FYN: variants seen among roughly 807,000 people sequenced by gnomAD.
FYN encodes tyrosine-protein kinase Fyn.
In FYN, 10 loss-of-function variants were observed where a neutral mutation model predicts 70.2. The ratio of observed to expected loss-of-function variants is 0.14; its 90% confidence interval spans 0.09 to 0.24. The LOEUF (loss-of-function observed/expected upper bound fraction) is 0.24, where lower values mean the gene tolerates loss of function less well. FYN is among the 10% of genes least tolerant of loss of function. The pLI is 1.00. For missense variants in FYN, 319 were observed against 673.1 expected, an observed-to-expected ratio of 0.47 and a Z score of 5.82; for synonymous variants, 236 against 248.6, an observed-to-expected ratio of 0.95 and a Z score of 0.48.
intron 2 of FYN, among the ~76,000 whole-genome samples, chr6:111,833,730 C>T (rs544655273): frequency 3.4e-4 from 51 of 152,196 alleles, no homozygotes; most frequent in African/African-American, 1.1e-3. Flanking sequence ...TTTTTTCGTG[C>T]GAATGTCAAG....
chr6:111,829,130 T>C (rs894087141), intron 2 of FYN, among the ~76,000 whole-genome samples: 1 of 152,200 alleles, frequency 6.6e-6, no homozygotes, highest in East Asian at 1.9e-4. Flanking sequence ...TTAGAAAACA[T>C]GAAATCCTAT....
At chr6:111,823,092 C>T (rs1289451055) in intron 2 of FYN, among the ~76,000 whole-genome samples, 3 of 152,314 alleles carry the variant, frequency 2.0e-5, no homozygotes, top group Non-Finnish European at 2.9e-5. Context: ...GTGTCTTTCA[C>T]GTTACCAGAT....
chr6:111,720,411 T>C (rs1234559834), intron 3 of FYN, among the ~76,000 whole-genome samples: 1 of 152,032 alleles, frequency 6.6e-6, no homozygotes, highest in Admixed American at 6.6e-5. Context: ...CCTTTAGCCA[T>C]CTAAAAAAAA....
chr6:111,764,627 G>A (rs367648328), intron 3 of FYN, among the ~76,000 whole-genome samples: 2 of 152,166 alleles, frequency 1.3e-5, no homozygotes, highest in East Asian at 1.9e-4. Context: ...TAACCAAACA[G>A]CCTCCCTCTG....
intron 13 of FYN, among the ~76,000 whole-genome samples, chr6:111,668,626 C>G (rs978653566): frequency 2.0e-5 from 3 of 152,136 alleles, no homozygotes; most frequent in Non-Finnish European, 2.9e-5. Flanking sequence ...GAAAGTCCCT[C>G]TTTGGCCACC....
At chr6:111,695,339 G>C (rs1415004283) in intron 10 of FYN, among the ~76,000 whole-genome samples, 2 of 152,294 alleles carry the variant, frequency 1.3e-5, no homozygotes, top group East Asian at 3.9e-4. Flanking sequence ...GGGGCAGATG[G>C]TTCCCCTTAA....
intron 5 of FYN, among the ~76,000 whole-genome samples, chr6:111,708,682 G>T (rs1254640588): frequency 6.6e-6 from 1 of 152,150 alleles, no homozygotes; most frequent in African/African-American, 2.4e-5. Flanking sequence ...CCAGAGCACT[G>T]GCCTGAGGCT....
chr6:111,730,050 G>A (rs980552073), intron 3 of FYN, among the ~76,000 whole-genome samples: 5 of 152,144 alleles, frequency 3.3e-5, no homozygotes, highest in Admixed American at 2.6e-4. Context: ...AAGAGGGAGA[G>A]ACTGACTGAT....
At chr6:111,791,542 A>G (rs940196799) in intron 2 of FYN, among the ~76,000 whole-genome samples, 2 of 152,202 alleles carry the variant, frequency 1.3e-5, no homozygotes, top group African/African-American at 2.4e-5. Flanking sequence ...AAAGAAAAAA[A>G]TCTACACAGA....
intron 3 of FYN, among the ~76,000 whole-genome samples, chr6:111,764,242 A>AAAG (rs1803132336): frequency 2.0e-5 from 3 of 146,666 alleles, no homozygotes; most frequent in African/African-American, 2.6e-5. Context: ...AGAAAAGAAA[A>AAAG]AAAAAGAAAG....
intron 2 of FYN, among the ~76,000 whole-genome samples, chr6:111,799,089 A>T (rs1771904016): frequency 6.6e-6 from 1 of 152,216 alleles, no homozygotes; most frequent in Non-Finnish European, 1.5e-5. Context: ...TCATTAGGGA[A>T]ATAGTTCAAT....
At chr6:111,680,181 C>T (rs1798723960) in intron 12 of FYN, among the ~76,000 whole-genome samples, 1 of 152,140 alleles carries the variant, frequency 6.6e-6, no homozygotes, top group South Asian at 2.1e-4. Flanking sequence ...ACACAAACAC[C>T]CACCACTGCT....
chr6:111,745,784 A>G (rs1039464405), intron 3 of FYN, among the ~76,000 whole-genome samples: 1 of 152,280 alleles, frequency 6.6e-6, no homozygotes, highest in Non-Finnish European at 1.5e-5. Context: ...TTTACAAAAC[A>G]TCCTGGCTTA....
At chr6:111,676,446 G>GCT (rs1798534349) in intron 12 of FYN, 1 of 152,144 alleles carries the variant, frequency 6.6e-6, no homozygotes, top group South Asian at 2.1e-4. Flanking sequence ...ATAAGACCTG[G>GCT]TATTCTCTGA....
chr6:111,749,328 A>G (rs569188261), intron 3 of FYN, among the ~76,000 whole-genome samples: 1 of 152,222 alleles, frequency 6.6e-6, no homozygotes, highest in Non-Finnish European at 1.5e-5. Flanking sequence ...AATGATAATC[A>G]TGTTTATGAT....
At chr6:111,834,181 C>A (rs1773107432) in intron 2 of FYN, among the ~76,000 whole-genome samples, 1 of 152,054 alleles carries the variant, frequency 6.6e-6, no homozygotes, top group African/African-American at 2.4e-5. Flanking sequence ...AAATGATAAA[C>A]ATGAAATTTA....
At chr6:111,754,191 G>A (rs72942136) in intron 3 of FYN, among the ~76,000 whole-genome samples, 1,724 of 152,134 alleles carry the variant, frequency 0.011, 20 homozygotes, top group South Asian at 0.039. Flanking sequence ...TTCTTTTATC[G>A]TCTGTCTGAA....
At chr6:111,827,176 A>T (rs1772862729) in intron 2 of FYN, among the ~76,000 whole-genome samples, 1 of 152,198 alleles carries the variant, frequency 6.6e-6, no homozygotes, top group African/African-American at 2.4e-5. Context: ...GTAAAGTCTC[A>T]TAATAATAAT....
chr6:111,678,176 C>T (rs1798631258), intron 12 of FYN, among the ~76,000 whole-genome samples: 1 of 143,398 alleles, frequency 7.0e-6, no homozygotes. Flanking sequence ...AGCATCTTTT[C>T]CACTGAATGT....
Sources: gnomAD v4.1 joint callset for allele counts (sites outside exome capture counted in the v4.1 genomes callset) on GRCh38, gnomAD v4.1.1 for gene constraint, MANE v1.5 for transcripts, NCBI Gene and HGNC (gene_info 2026-07-23, HGNC 2026-07-21) for gene names.